Variants in MAP3K20 observed in about 807,000 individuals in gnomAD.
MAP3K20 encodes the protein mitogen-activated protein kinase kinase kinase 20, also known as HCCS-4.
Under a neutral mutation model 85.7 loss-of-function variants are expected in MAP3K20, and 40 were observed. That is an observed-to-expected ratio of 0.47 (90% confidence interval 0.36 to 0.61). The LOEUF (loss-of-function observed/expected upper bound fraction) is 0.61. Ranked by LOEUF, MAP3K20 falls within the 20% of genes least tolerant of loss-of-function variation. The probability of loss-of-function intolerance (pLI) is 0.00; values close to 1 mark genes in which losing one functional copy is unlikely to be tolerated. For synonymous variants in MAP3K20, 325 were observed against 327.7 expected (o/e 0.99, Z 0.09); for missense variants, 817 against 961.7 (o/e 0.85, Z 1.99).
At position 173,187,272 on chromosome 2, in the gene MAP3K20, A is replaced by G. The variant is rs2106270486; in HGVS notation, c.350-286A>G. ...CCCTCCTTTCAGTGGTTACTGTGCT[A>G]TTTTCATGCAGACTGCAGAAAATTA... is the stretch of plus-strand genomic sequence containing the variant. On this transcript the variant is annotated intron_variant, in intron 4 of 19. Transcript: ENST00000375213. 2.0e-5 allele frequency among the ~76,000 whole-genome samples: 3 copies of G among 152,292 alleles called. 1 individual carries two copies. The Middle Eastern group carries it at 0.01, about 518-fold the overall frequency.
intron 16 of MAP3K20, among the ~76,000 whole-genome samples, chr2:173,251,333 T>C (rs1685037236): frequency 1.3e-5 from 2 of 152,166 alleles, no homozygotes; most frequent in Non-Finnish European, 2.9e-5. Context: ...TTCATGGTTT[T>C]GGGGAGTGGT....
At chr2:173,159,840 A>G (rs1393246460) in intron 2 of MAP3K20, among the ~76,000 whole-genome samples, 10 of 152,224 alleles carry the variant, frequency 6.6e-5, no homozygotes, top group Admixed American at 6.5e-4. Context: ...CTATCCTGCC[A>G]GGTGAGTCTG....
chr2:173,179,477 A>G (rs763076390), intron 3 of MAP3K20, among the ~76,000 whole-genome samples: 2 of 152,124 alleles, frequency 1.3e-5, no homozygotes, highest in Non-Finnish European at 2.9e-5. Context: ...GAGCATCTAC[A>G]AAAACCCACA....
intron 2 of MAP3K20, among the ~76,000 whole-genome samples, chr2:173,118,533 A>G (rs536633037): frequency 6.6e-6 from 1 of 152,238 alleles, no homozygotes; most frequent in Admixed American, 6.5e-5. Flanking sequence ...TTGGAGCTAC[A>G]AGCCTGTGTG....
At chr2:173,084,229 T>A (rs186961110) in intron 1 of MAP3K20, among the ~76,000 whole-genome samples, 1,929 of 152,166 alleles carry the variant, frequency 0.013, 27 homozygotes, top group Middle Eastern at 0.024. Flanking sequence ...TAATTTTTTT[T>A]AAAAAATCAT....
chr2:173,239,248 G>T (rs761125487), intron 15 of MAP3K20, among the ~76,000 whole-genome samples, 156 bp from the exon 16 acceptor site: 1 of 151,382 alleles, frequency 6.6e-6, no homozygotes, highest in Admixed American at 6.6e-5. Flanking sequence ...ATTTCTGTTG[G>T]TTGATGTAAT....
intron 11 of MAP3K20, chr2:173,221,492 G>C (rs1409607903): frequency 9.4e-6 from 15 of 1,604,096 alleles, no homozygotes; most frequent in Non-Finnish European, 1.3e-5. Context: ...TGATGATGAC[G>C]GTGAGGAGGA....
intron 16 of MAP3K20, among the ~76,000 whole-genome samples, chr2:173,252,425 C>G (rs1025514919): frequency 4.6e-5 from 7 of 152,224 alleles, no homozygotes; most frequent in Admixed American, 4.6e-4. Context: ...ATTAGCCACA[C>G]ACGTGCTCCT....
intron 19 of MAP3K20, among the ~76,000 whole-genome samples, chr2:173,264,130 G>C (rs1189915340): frequency 6.6e-6 from 1 of 152,214 alleles, no homozygotes; most frequent in Non-Finnish European, 1.5e-5. Flanking sequence ...CAGATGCTCA[G>C]GCCCAAACCC....
chr2:173,094,004 G>T (rs1687382682), intron 2 of MAP3K20, among the ~76,000 whole-genome samples: 1 of 115,570 alleles, frequency 8.7e-6, no homozygotes, highest in Non-Finnish European at 1.7e-5. Flanking sequence ...TGGGGGGAGG[G>T]GGGAGGGATA....
intron 2 of MAP3K20, among the ~76,000 whole-genome samples, chr2:173,123,038 G>A (rs1688340672): frequency 6.6e-6 from 1 of 152,168 alleles, no homozygotes; most frequent in South Asian, 2.1e-4. Context: ...GTCCTTTTCA[G>A]GAGATGTAGT....
At chr2:173,179,809 T>C (rs1006082855) in intron 3 of MAP3K20, among the ~76,000 whole-genome samples, 1 of 152,026 alleles carries the variant, frequency 6.6e-6, no homozygotes, top group African/African-American at 2.4e-5. Flanking sequence ...TAAAAATCTA[T>C]TGTATTTCTA....
At chr2:173,221,470 T>TGAC (rs776733871) in intron 11 of MAP3K20, 5 of 1,610,980 alleles carry the variant, frequency 3.1e-6, no homozygotes, top group Non-Finnish European at 4.2e-6. Flanking sequence ...TGTCAGAAGG[T>TGAC]GACGATGATG....
At chr2:173,231,915 ATAAG>A (rs748249417) in intron 12 of MAP3K20, among the ~76,000 whole-genome samples, 1 of 152,190 alleles carries the variant, frequency 6.6e-6, no homozygotes, top group African/African-American at 2.4e-5. Flanking sequence ...AAAAATCACT[ATAAG>A]TAAGAACCCT....
At chr2:173,195,493 G>A (rs1159618620) in intron 7 of MAP3K20, among the ~76,000 whole-genome samples, 1 of 152,120 alleles carries the variant, frequency 6.6e-6, no homozygotes, top group Non-Finnish European at 1.5e-5. Flanking sequence ...AAATGAGTCG[G>A]AAAATATTTT....
intron 14 of MAP3K20, among the ~76,000 whole-genome samples, chr2:173,234,968 T>C (rs1262667509): frequency 6.6e-6 from 1 of 152,076 alleles, no homozygotes; most frequent in Non-Finnish European, 1.5e-5. Context: ...CACTGCAGTG[T>C]AGCAAAAACG....
chr2:173,237,073 C>G (rs992203301), intron 14 of MAP3K20, among the ~76,000 whole-genome samples: 5 of 123,612 alleles, frequency 4.0e-5, no homozygotes, highest in Non-Finnish European at 7.9e-5. Flanking sequence ...GCCGCTCAGG[C>G]TGAAGTGCAA....
intron 6 of MAP3K20, 32 bp downstream of exon 6, chr2:173,190,955 T>G: frequency 6.2e-7 from 1 of 1,608,520 alleles, no homozygotes; most frequent in Non-Finnish European, 8.5e-7. Flanking sequence ...AAAAAAATTG[T>G]TAATTTCAGA....
At chr2:173,259,176 G>A (rs563468175) in intron 17 of MAP3K20, among the ~76,000 whole-genome samples, 13 of 151,960 alleles carry the variant, frequency 8.6e-5, no homozygotes, top group African/African-American at 2.2e-4. Context: ...AACTTTTCCC[G>A]GAGAATGACT....
Sources: allele counts gnomAD v4.1 joint callset (sites outside exome capture counted in the v4.1 genomes callset), GRCh38; gene constraint gnomAD v4.1.1; transcripts MANE v1.5; gene names NCBI Gene and HGNC (gene_info 2026-07-23, HGNC 2026-07-21).